Variants in OR7C1 observed in about 807,000 individuals in gnomAD.
The protein encoded by OR7C1 is olfactory receptor family 7 subfamily C member 1, also known as olfactory receptor 7C1.
For synonymous variants in OR7C1, 152 were observed against 160.7 expected (o/e 0.95, Z 0.41); for missense variants, 324 against 383.3 (o/e 0.85, Z 1.29).
At chr19:14,800,270 C>G in exon 4 of OR7C1, 1 of 1,018,504 alleles carries the variant, frequency 9.8e-7, no homozygotes, top group Non-Finnish European at 1.4e-6. Flanking sequence ...TTCTTGCTGT[C>G]TTTTTCTGGG....
At chr19:14,813,818 C>A (rs1288468881) in intron 1 of OR7C1, among the ~76,000 whole-genome samples, 1 of 152,070 alleles carries the variant, frequency 6.6e-6, no homozygotes, top group Non-Finnish European at 1.5e-5. Context: ...ACCCAATCAC[C>A]TCCCACCAGG....
At chr19:14,806,734 G>T (rs551136459) in intron 2 of OR7C1, among the ~76,000 whole-genome samples, 1 of 151,886 alleles carries the variant, frequency 6.6e-6, no homozygotes, top group African/African-American at 2.4e-5. Flanking sequence ...TTATGGCTGC[G>T]TAGTATTCTG....
intron 2 of OR7C1, 94 bp from the exon 3 acceptor site, chr19:14,800,858 AGCCTGATGTAAATCAGACACT>A (rs2044638123): frequency 6.6e-6 from 1 of 152,274 alleles, no homozygotes; most frequent in Non-Finnish European, 1.5e-5. Flanking sequence ...CCAATCTGTG[AGCCTGATGTAAATCAGACACT>A]GCCTCCTCAA....
intron 1 of OR7C1, among the ~76,000 whole-genome samples, chr19:14,820,983 G>A (rs2044738487): frequency 6.6e-6 from 1 of 152,178 alleles, no homozygotes; most frequent in Non-Finnish European, 1.5e-5. Context: ...GCCGGGCATG[G>A]TGGCTCACAC....
chr19:14,817,413 A>G (rs924770459), intron 1 of OR7C1, among the ~76,000 whole-genome samples: 4 of 152,230 alleles, frequency 2.6e-5, no homozygotes, highest in Non-Finnish European at 4.4e-5. Flanking sequence ...TATGTAGAAC[A>G]TAAATCTGGC....
chr19:14,800,041 G>A (rs2044633577), exon 5 of OR7C1: 4 of 1,614,128 alleles, frequency 2.5e-6, no homozygotes, highest in Middle Eastern at 1.6e-4. Flanking sequence ...GGTACATGGA[G>A]AGGAACAGCC....
intron 1 of OR7C1, chr19:14,827,564 A>G: frequency 6.2e-7 from 1 of 1,614,192 alleles, no homozygotes; most frequent in Non-Finnish European, 8.5e-7. Flanking sequence ...ATGAGATTGC[A>G]TGTATGGAAG....
chr19:14,799,240 C>T, exon 5 of OR7C1: 2 of 1,614,092 alleles, frequency 1.2e-6, no homozygotes, highest in Non-Finnish European at 1.7e-6. Context: ...TCCCCAGGGC[C>T]CTCTTCATGT....
At chr19:14,818,194 G>A (rs1166415717) in intron 1 of OR7C1, among the ~76,000 whole-genome samples, 1 of 151,818 alleles carries the variant, frequency 6.6e-6, no homozygotes, top group Non-Finnish European at 1.5e-5. Flanking sequence ...CCAGGTTCAC[G>A]GCGTTCTCTT....
At chr19:14,833,711 C>T (rs2044856543) in intron 1 of OR7C1, among the ~76,000 whole-genome samples, 1 of 152,038 alleles carries the variant, frequency 6.6e-6, no homozygotes, top group African/African-American at 2.4e-5. Context: ...TAAAAATGGG[C>T]ATATAGTAAA....
At chr19:14,824,088 G>A (rs2044753976) in intron 1 of OR7C1, among the ~76,000 whole-genome samples, 1 of 152,128 alleles carries the variant, frequency 6.6e-6, no homozygotes, top group Non-Finnish European at 1.5e-5. Context: ...TAGATAATAA[G>A]TGTATCCATA....
chr19:14,823,347 G>A (rs2044750136), intron 1 of OR7C1, among the ~76,000 whole-genome samples: 1 of 152,214 alleles, frequency 6.6e-6, no homozygotes, highest in Non-Finnish European at 1.5e-5. Flanking sequence ...AGCTACTCGG[G>A]AGGCTGAGGC....
chr19:14,824,372 CT>C (rs1205417607), intron 1 of OR7C1: 1 of 152,220 alleles, frequency 6.6e-6, no homozygotes, highest in East Asian at 1.9e-4. Context: ...CCTTTTCCTA[CT>C]CCCTTTCTCC....
chr19:14,828,097 T>C, intron 1 of OR7C1: 1 of 1,614,102 alleles, frequency 6.2e-7, no homozygotes, highest in Non-Finnish European at 8.5e-7. Context: ...TCTGAGATTG[T>C]GGCCAGGATG....
intron 2 of OR7C1, among the ~76,000 whole-genome samples, chr19:14,804,976 A>G (rs534854683): frequency 4.0e-5 from 6 of 151,800 alleles, no homozygotes; most frequent in South Asian, 2.1e-4. Context: ...GGCTCAAGCA[A>G]TCCTCACATG....
chr19:14,808,009 A>G (rs1310036386), intron 2 of OR7C1, among the ~76,000 whole-genome samples: 1 of 151,792 alleles, frequency 6.6e-6, no homozygotes, highest in Non-Finnish European at 1.5e-5. Context: ...ATAATAAACC[A>G]TTCTGACTGG....
At chr19:14,807,337 A>G (rs973157800) in intron 2 of OR7C1, among the ~76,000 whole-genome samples, 3 of 151,910 alleles carry the variant, frequency 2.0e-5, no homozygotes, top group East Asian at 1.9e-4. Context: ...ATAGAACTCA[A>G]TTATATTTGG....
At chr19:14,803,307 C>CCA (rs1555694305) in intron 2 of OR7C1, among the ~76,000 whole-genome samples, 10 of 83,586 alleles carry the variant, frequency 1.2e-4, no homozygotes, top group East Asian at 4.0e-4. Flanking sequence ...ACTATGTCTC[C>CCA]AAAAAAAAAA....
intron 1 of OR7C1, among the ~76,000 whole-genome samples, chr19:14,831,352 A>G (rs1291626220): frequency 6.6e-6 from 1 of 152,214 alleles, no homozygotes; most frequent in Non-Finnish European, 1.5e-5. Flanking sequence ...TATTTACTTG[A>G]TCAATTGGTT....
Sources: gnomAD v4.1 joint callset for allele counts (sites outside exome capture counted in the v4.1 genomes callset) on GRCh38, gnomAD v4.1.1 for gene constraint, MANE v1.5 for transcripts, NCBI Gene and HGNC (gene_info 2026-07-23, HGNC 2026-07-21) for gene names.